PHF21B: variants seen among roughly 807,000 people sequenced by gnomAD.
PHF21B encodes the protein PHD finger protein 21B, also known as PHD finger protein 4.
Under a neutral mutation model 62.2 loss-of-function variants are expected in PHF21B, and 22 were observed. That is an observed-to-expected ratio of 0.35 (90% confidence interval 0.25 to 0.51). The LOEUF is 0.51. Ranked by LOEUF, PHF21B falls within the 20% of genes least tolerant of loss-of-function variation. The pLI is 0.97. For missense variants in PHF21B, 701 were observed against 707.9 expected (o/e 0.99, Z 0.11); for synonymous variants, 341 against 314.7 (o/e 1.08, Z -0.88).
At chr22:44,964,164 A>G (rs765079956) in intron 2 of PHF21B, among the ~76,000 whole-genome samples, 3 of 152,228 alleles carry the variant, frequency 2.0e-5, no homozygotes, top group Non-Finnish European at 4.4e-5. Context: ...TGCTGCCACT[A>G]GACAGTGACA....
chr22:44,926,110 G>A (rs147719870), intron 2 of PHF21B, among the ~76,000 whole-genome samples: 302 of 152,184 alleles, frequency 2.0e-3, no homozygotes, highest in African/African-American at 6.8e-3. Context: ...CACATGCCAC[G>A]TCCCTAAGGT....
chr22:44,967,859 C>G (rs768385308), intron 2 of PHF21B, among the ~76,000 whole-genome samples: 1 of 152,162 alleles, frequency 6.6e-6, no homozygotes, highest in Non-Finnish European at 1.5e-5. Context: ...TATTGATGAC[C>G]TGGACAGTCT....
At position 45,004,838 on chromosome 22, in the gene PHF21B, CG is replaced by C. The variant is rs548254763; in HGVS notation, c.120+3706del. Among the ~76,000 whole-genome samples the C allele has an allele frequency of 2.3e-4, 35 of 152,356 alleles. No individual in the cohort carries two copies. In the South Asian group the frequency reaches 7.0e-3, roughly 31 times the overall value. On this transcript the variant is annotated intron_variant, in intron 2 of 12. Coordinates refer to ENST00000313237, the MANE Select transcript of PHF21B (RefSeq NM_138415.5). ...GACAACGTACTTTTACTGCTGCACT[CG>C]GGGACAGCCTCTCAGAACCCAGAGT...
At position 45,009,049 on chromosome 22, in the gene PHF21B, C is replaced by G. The variant is rs772061925; in HGVS notation, c.55-439G>C. 4.6e-4 allele frequency: 524 copies of G among 1,135,418 alleles called. No homozygotes were observed. The highest frequency in any genetic ancestry group is 5.4e-4 in the Non-Finnish European group (499 of 925,240). The allele number at this position is 1,135,418 out of a possible 1,614,324, so 70.3% of individuals were successfully genotyped here. On this transcript the variant is annotated intron_variant, in intron 1 of 12. Coordinates refer to ENST00000313237, the MANE Select transcript of PHF21B (RefSeq NM_138415.5). This position sits in a 1 kb window ranked among gnomAD's most constrained non-coding sequence, Gnocchi z 5.9. ...ACACACGCGCACGCCGAGCCCCGCT[C>G]AGGCTCCGGCCGCCACGCCGCCGCT...
At chr22:44,921,256 C>T (rs2071529868) in intron 2 of PHF21B, among the ~76,000 whole-genome samples, 1 of 152,198 alleles carries the variant, frequency 6.6e-6, no homozygotes, top group Non-Finnish European at 1.5e-5. Context: ...GAATTCCAGG[C>T]CCACACGCGT....
chr22:44,965,402 C>T (rs2147431439), intron 2 of PHF21B, among the ~76,000 whole-genome samples: 1 of 152,200 alleles, frequency 6.6e-6, no homozygotes, highest in South Asian at 2.1e-4. Flanking sequence ...GTGGAGCTCA[C>T]CATCTGTCCA....
chr22:44,889,840 A>C (rs1337125686), intron 8 of PHF21B, 58 bp from the exon 9 acceptor site: 8 of 1,485,350 alleles, frequency 5.4e-6, no homozygotes, highest in Non-Finnish European at 7.1e-6. Context: ...AGCACAGATC[A>C]GGACTGGAGT....
Position 45,009,452 on chromosome 22 carries a change from C to T in PHF21B, c.54+44G>A. 1 of 1,514,732 alleles carries T rather than the reference C, an allele frequency of 6.6e-7. No homozygotes were observed. Among genetic ancestry groups the T allele is most frequent in the Non-Finnish European group, 8.8e-7 (1 of 1,135,306 alleles). 93.8% of individuals were successfully genotyped at this position (1,514,732 alleles called of 1,614,324 possible). Reference sequence around the variant, plus strand: ...CTCGGGTCCCCCGACCCCCTCACCCCGCAACACACTCCCCGGCCCCGGGCC... The same window carrying T: ...CTCGGGTCCCCCGACCCCCTCACCCTGCAACACACTCCCCGGCCCCGGGCC... On this transcript the variant is annotated intron_variant, in intron 1 of 12. Transcript: ENST00000313237. This position sits in a 1 kb window ranked among gnomAD's most constrained non-coding sequence, Gnocchi z 5.9.
chr22:44,973,225 C>G (rs1006509115), intron 2 of PHF21B, among the ~76,000 whole-genome samples: 10 of 152,158 alleles, frequency 6.6e-5, no homozygotes, highest in Non-Finnish European at 1.2e-4. Context: ...CCACCCTGTC[C>G]CCTCCCTGTC....
intron 5 of PHF21B, among the ~76,000 whole-genome samples, chr22:44,911,079 T>C (rs1234633963): frequency 6.6e-6 from 1 of 152,218 alleles, no homozygotes; most frequent in Non-Finnish European, 1.5e-5. Context: ...TTGCCTCTGC[T>C]CTAGAGACTT....
chr22:45,004,245 T>C (rs1366912414), intron 2 of PHF21B, among the ~76,000 whole-genome samples: 3 of 152,220 alleles, frequency 2.0e-5, no homozygotes, highest in Admixed American at 6.5e-5. Context: ...AAAATATATC[T>C]CAATAAAGCT....
At position 45,009,524 on chromosome 22, in the gene PHF21B, G is replaced by C. The variant is rs201707376; in HGVS notation, c.26C>G (p.Ala9Gly). The C allele has an allele frequency of 3.0e-5, 47 of 1,568,364 alleles. No homozygotes were observed. The highest frequency in any genetic ancestry group is 1.8e-4 in the Middle Eastern group (1 of 5,568). The change falls in exon 1 of 13, where the codon GCG (alanine) becomes GGG (glycine). Residue 9 changes from alanine to glycine, a missense_variant. Transcript: ENST00000313237. The surrounding 1 kb of genome is among the most constrained non-coding windows in gnomAD (Gnocchi z 5.9). Reference sequence around the variant, plus strand: ...GTGGCGCGCGAGTTCCACGGCGAGCGCCTCGGGCCGGCTCTGCAGCTCCAT... The same window carrying C: ...GTGGCGCGCGAGTTCCACGGCGAGCCCCTCGGGCCGGCTCTGCAGCTCCAT... The part of the protein sequence containing the change: MELQSRPE[A>G]LAVELARHQN...
intron 2 of PHF21B, among the ~76,000 whole-genome samples, chr22:44,985,864 TCACCACCACCATCACCAGCAG>T (rs1025103133): frequency 4.0e-5 from 6 of 150,812 alleles, no homozygotes; most frequent in South Asian, 4.2e-4. Flanking sequence ...ATGATCACCA[TCACCACCACCATCACCAGCAG>T]CACCACCACC....
intron 2 of PHF21B, among the ~76,000 whole-genome samples, chr22:44,970,121 A>T (rs1455876478): frequency 6.6e-6 from 1 of 152,236 alleles, no homozygotes; most frequent in Non-Finnish European, 1.5e-5. Context: ...CCAAGGCCAC[A>T]GAGCTGGCTT....
chr22:44,972,350 G>A (rs754079984), intron 2 of PHF21B, among the ~76,000 whole-genome samples: 2 of 152,120 alleles, frequency 1.3e-5, no homozygotes, highest in African/African-American at 4.8e-5. Flanking sequence ...TGGGCATTTC[G>A]GCCTGTTGTG....
chr22:44,996,841 C>T (rs966569653), intron 2 of PHF21B, among the ~76,000 whole-genome samples: 2 of 151,776 alleles, frequency 1.3e-5, no homozygotes, highest in African/African-American at 4.8e-5. Flanking sequence ...TGGGCACACA[C>T]GAACACATGC....
At chr22:45,003,990 C>T (rs1050379983) in intron 2 of PHF21B, among the ~76,000 whole-genome samples, 1 of 151,988 alleles carries the variant, frequency 6.6e-6, no homozygotes, top group East Asian at 1.9e-4. Flanking sequence ...TACATATATA[C>T]ACACACACAT....
chr22:44,969,322 G>C (rs2072592251), intron 2 of PHF21B: 1 of 152,228 alleles, frequency 6.6e-6, no homozygotes, highest in Admixed American at 6.5e-5. Context: ...TTGAGCTGTG[G>C]AGTCAGGAGG....
At chr22:44,915,138 G>T (rs1174248625) in intron 4 of PHF21B, among the ~76,000 whole-genome samples, 1 of 152,086 alleles carries the variant, frequency 6.6e-6, no homozygotes, top group Admixed American at 6.5e-5. Flanking sequence ...CTTCCTCTTT[G>T]TATCACATTT....
Sources: allele counts gnomAD v4.1 joint callset (sites outside exome capture counted in the v4.1 genomes callset), GRCh38; gene constraint gnomAD v4.1.1; non-coding constraint Gnocchi (gnomAD v3.1); transcripts MANE v1.5; gene names NCBI Gene and HGNC (gene_info 2026-07-23, HGNC 2026-07-21).